The following KLHL1 variants were observed in gnomAD, a reference collection of about 807,000 sequenced individuals.
KLHL1 encodes kelch-like protein 1.
KLHL1 carries 47 observed loss-of-function variants against 77.7 expected under a neutral mutation model. The ratio of observed to expected loss-of-function variants is 0.60; its 90% CI spans 0.48 to 0.77. The LOEUF is 0.77. Ranked by LOEUF, KLHL1 falls within the 30% of genes least tolerant of loss-of-function variation. The probability of loss-of-function intolerance (pLI) is 0.00; values close to 1 mark genes in which losing one functional copy is unlikely to be tolerated. For synonymous variants in KLHL1, 360 were observed against 325.2 expected, an observed-to-expected ratio of 1.11 and a Z score of -1.15; for missense variants, 925 against 910.8, an observed-to-expected ratio of 1.02 and a Z score of -0.20.
At chr13:70,035,816 C>T (rs1209386420) in intron 1 of KLHL1, among the ~76,000 whole-genome samples, 1 of 151,456 alleles carries the variant, frequency 6.6e-6, no homozygotes, top group Non-Finnish European at 1.5e-5. Context: ...CAAAATTAAA[C>T]CAGGAATAAT....
chr13:69,790,735 C>G (rs1219818904), intron 7 of KLHL1, among the ~76,000 whole-genome samples: 1 of 151,834 alleles, frequency 6.6e-6, no homozygotes, highest in Non-Finnish European at 1.5e-5. Flanking sequence ...AATCCAATAC[C>G]CTTTTCATGA....
At chr13:69,780,700 A>ATATATATG (rs1876108033) in intron 7 of KLHL1, among the ~76,000 whole-genome samples, 1 of 69,672 alleles carries the variant, frequency 1.4e-5, no homozygotes, top group African/African-American at 5.8e-5. Context: ...ATATATATAT[A>ATATATATG]TGTATATATA....
intron 1 of KLHL1, among the ~76,000 whole-genome samples, chr13:70,045,065 T>TA: frequency 6.6e-6 from 1 of 152,294 alleles, no homozygotes; most frequent in South Asian, 2.1e-4. Context: ...TGAAGATGTT[T>TA]ATATACACAT....
At position 70,107,710 on chromosome 13, in the gene KLHL1, C is replaced by T. The variant is rs1420624184; in HGVS notation, c.-11G>A. 3 of 1,511,710 alleles carry T rather than the reference C, an allele frequency of 2.0e-6. No individual in the cohort carries two copies. Among genetic ancestry groups the T allele is most frequent in the Non-Finnish European group, 2.6e-6 (3 of 1,135,294 alleles). 93.6% of individuals were successfully genotyped at this position (1,511,710 alleles called of 1,614,324 possible). ...CCCAGAGCCTGACATGCTTTACGCA[C>T]AGAAGGCAAAAGGCTGGCAGCTCAC... On this transcript the variant is annotated 5_prime_UTR_variant, in exon 1 of 11. In the 5' UTR this introduces an upstream ATG that the reference lacks. Transcript: ENST00000377844.
intron 1 of KLHL1, among the ~76,000 whole-genome samples, chr13:70,102,669 T>G (rs1389204466): frequency 1.3e-5 from 2 of 152,176 alleles, no homozygotes; most frequent in East Asian, 3.8e-4. Flanking sequence ...ATAACAAGTC[T>G]GTGATTCTAG....
At chr13:69,756,180 T>A (rs1874724652) in intron 7 of KLHL1, among the ~76,000 whole-genome samples, 1 of 152,140 alleles carries the variant, frequency 6.6e-6, no homozygotes, top group African/African-American at 2.4e-5. Context: ...ATAGTCTTTG[T>A]CACACCCTTA....
At chr13:70,014,317 G>C (rs1007648439) in intron 1 of KLHL1, among the ~76,000 whole-genome samples, 2 of 151,878 alleles carry the variant, frequency 1.3e-5, no homozygotes, top group South Asian at 4.1e-4. Context: ...ATCTCTGCAG[G>C]GAAAAAAGAG....
At chr13:69,847,109 T>C (rs1879492942) in intron 5 of KLHL1, among the ~76,000 whole-genome samples, 1 of 151,404 alleles carries the variant, frequency 6.6e-6, no homozygotes, top group Non-Finnish European at 1.5e-5. Flanking sequence ...CCTGTATAGA[T>C]GCTGCTTGAT....
intron 7 of KLHL1, among the ~76,000 whole-genome samples, chr13:69,795,785 T>A (rs536365026): frequency 6.6e-6 from 1 of 152,288 alleles, no homozygotes; most frequent in African/African-American, 2.4e-5. Flanking sequence ...TTCTCTCTAG[T>A]TCCTGGTTAC....
intron 6 of KLHL1, among the ~76,000 whole-genome samples, chr13:69,816,388 G>C (rs192509309): frequency 7.3e-5 from 11 of 151,658 alleles, no homozygotes; most frequent in Admixed American, 7.2e-4. Context: ...AGCTTCCTGA[G>C]TAGCTGAGAT....
intron 8 of KLHL1, among the ~76,000 whole-genome samples, chr13:69,723,931 G>A (rs775293348): frequency 3.3e-5 from 5 of 150,046 alleles, no homozygotes; most frequent in Middle Eastern, 3.4e-3. Context: ...TCTGCCTCCC[G>A]GGTTCAAGTG....
intron 1 of KLHL1, among the ~76,000 whole-genome samples, chr13:70,083,085 A>C (rs1250064448): frequency 1.3e-5 from 2 of 152,202 alleles, no homozygotes; most frequent in Non-Finnish European, 2.9e-5. Flanking sequence ...ACTCCTCACT[A>C]AAGGAACTTC....
chr13:69,849,896 C>A (rs1367130665), intron 5 of KLHL1, among the ~76,000 whole-genome samples: 1 of 151,342 alleles, frequency 6.6e-6, no homozygotes, highest in Non-Finnish European at 1.5e-5. Context: ...AATTCATAAG[C>A]AGAAATATGT....
intron 10 of KLHL1, among the ~76,000 whole-genome samples, chr13:69,702,950 T>C (rs1490789437): frequency 1.3e-5 from 2 of 151,684 alleles, no homozygotes; most frequent in Admixed American, 6.6e-5. Context: ...GAATACAGTA[T>C]CAGGAGACAA....
chr13:70,052,670 T>G (rs1886656684), intron 1 of KLHL1, among the ~76,000 whole-genome samples: 1 of 151,824 alleles, frequency 6.6e-6, no homozygotes, highest in African/African-American at 2.4e-5. Flanking sequence ...TTATTTCCCC[T>G]TAAAAGAGAA....
intron 8 of KLHL1, among the ~76,000 whole-genome samples, chr13:69,727,749 G>A (rs1873365370): frequency 6.6e-6 from 1 of 151,956 alleles, no homozygotes; most frequent in Non-Finnish European, 1.5e-5. Context: ...GTCAACTATT[G>A]TGATGAAATT....
intron 3 of KLHL1, among the ~76,000 whole-genome samples, chr13:69,943,160 C>A (rs941280836): frequency 6.6e-6 from 1 of 151,980 alleles, no homozygotes; most frequent in Admixed American, 6.6e-5. Flanking sequence ...GATCAAGAGG[C>A]TCATGATGTC....
chr13:70,036,861 T>C (rs1886252978), intron 1 of KLHL1, among the ~76,000 whole-genome samples: 1 of 78,624 alleles, frequency 1.3e-5, no homozygotes, highest in Non-Finnish European at 2.8e-5. Flanking sequence ...TTTTTTTTTC[T>C]GTCTCAGTTT....
rs778883859 is a variant in KLHL1 at position 69,793,895 on chromosome 13, T to G, written c.1639+2843A>C. Reference sequence around the variant, plus strand: ...AAATATCTGGGAGGAAAACTTGATATGTTCTTTTTTTACTACCCCATATTG... The same window carrying G: ...AAATATCTGGGAGGAAAACTTGATAGGTTCTTTTTTTACTACCCCATATTG... On this transcript the variant is annotated intron_variant, in intron 7 of 10. Coordinates refer to ENST00000377844, the MANE Select transcript of KLHL1 (RefSeq NM_020866.3). Among the ~76,000 whole-genome samples the G allele has an allele frequency of 7.2e-5, 11 of 152,138 alleles. No individual in the cohort carries two copies. The South Asian group carries it at 1.7e-3, about 23-fold the overall frequency.
Sources: allele counts gnomAD v4.1 joint callset (sites outside exome capture counted in the v4.1 genomes callset), GRCh38; gene constraint gnomAD v4.1.1; transcripts MANE v1.5; gene names NCBI Gene and HGNC (gene_info 2026-07-23, HGNC 2026-07-21).